The following GRM8 variants were observed in gnomAD, a reference collection of about 807,000 sequenced individuals.
GRM8 encodes the protein metabotropic glutamate receptor 8.
Under a neutral mutation model 87.2 loss-of-function variants are expected in GRM8, and 47 were observed. The observed-to-expected ratio is 0.54, with a 90% CI of 0.43 to 0.69. GRM8 has a LOEUF of 0.69. Ranked by LOEUF, GRM8 falls within the 30% of genes least tolerant of loss-of-function variation. GRM8 has a pLI of 0.00. For missense variants in GRM8, 1,019 were observed against 1,139.2 expected, an observed-to-expected ratio of 0.89 and a Z score of 1.52; for synonymous variants, 396 against 404.5, an observed-to-expected ratio of 0.98 and a Z score of 0.25.
chr7:126,456,474 TCC>T (rs1196770145), intron 9 of GRM8, among the ~76,000 whole-genome samples: 1 of 133,270 alleles, frequency 7.5e-6, no homozygotes, highest in African/African-American at 2.9e-5. Flanking sequence ...ACCTTTTTTT[TCC>T]CTTGAGACTT....
At chr7:127,057,166 T>C (rs1212898082) in intron 3 of GRM8, among the ~76,000 whole-genome samples, 1 of 151,710 alleles carries the variant, frequency 6.6e-6, no homozygotes, top group Non-Finnish European at 1.5e-5. Flanking sequence ...TTACCAAAAC[T>C]TTAAATATCA....
At chr7:126,765,267 CT>C (rs748975326) in intron 7 of GRM8, among the ~76,000 whole-genome samples, 10 of 151,482 alleles carry the variant, frequency 6.6e-5, no homozygotes, top group South Asian at 2.1e-4. Flanking sequence ...GACAGAGATG[CT>C]TTTTTTTTCT....
At chr7:126,974,442 C>T (rs968129381) in intron 3 of GRM8, among the ~76,000 whole-genome samples, 7 of 148,350 alleles carry the variant, frequency 4.7e-5, no homozygotes, top group Admixed American at 6.9e-5. Context: ...CATAACATCA[C>T]GTTGTAAGCC....
chr7:127,187,573 T>C (rs1794805226), intron 2 of GRM8, among the ~76,000 whole-genome samples: 1 of 152,192 alleles, frequency 6.6e-6, no homozygotes. Context: ...TAAGAGGCCA[T>C]AACTGGCACT....
intron 2 of GRM8, among the ~76,000 whole-genome samples, chr7:127,152,533 GAC>G (rs1224767700): frequency 6.6e-6 from 1 of 152,128 alleles, no homozygotes; most frequent in East Asian, 1.9e-4. Context: ...TGCTTTGAAA[GAC>G]ACTCAACCTG....
At chr7:126,991,883 T>C (rs925434326) in intron 3 of GRM8, among the ~76,000 whole-genome samples, 1 of 152,326 alleles carries the variant, frequency 6.6e-6, no homozygotes, top group Non-Finnish European at 1.5e-5. Flanking sequence ...TAATACACAG[T>C]GTTTTCATCA....
At chr7:126,585,649 C>G (rs1462763648) in intron 8 of GRM8, among the ~76,000 whole-genome samples, 1 of 152,098 alleles carries the variant, frequency 6.6e-6, no homozygotes, top group Non-Finnish European at 1.5e-5. Flanking sequence ...GCTAAAAACT[C>G]TCAATAAATT....
intron 2 of GRM8, among the ~76,000 whole-genome samples, chr7:127,164,493 A>G (rs1325055375): frequency 6.6e-6 from 1 of 152,192 alleles, no homozygotes; most frequent in Non-Finnish European, 1.5e-5. Flanking sequence ...GTAATTAGGA[A>G]AACAATTCAA....
chr7:127,242,765 A>G lies in GRM8; in HGVS notation c.440T>C (p.Ile147Thr). 6.2e-7 allele frequency: 1 copy of G among 1,614,216 alleles called. No homozygotes were observed. The highest frequency in any genetic ancestry group is 8.5e-7 in the Non-Finnish European group (1 of 1,180,042). ...TGCTGCAGCACCTATGACGCCAGAA[A>G]TCTTGTCGGGCTTGGTGAAAATGGG... The part of the protein sequence containing the change: ...DPPIFTKPDK[I>T]SGVIGAAASS... The change falls in exon 2 of 11, where the codon ATT becomes ACT. Residue 147 changes from isoleucine to threonine, a missense_variant. Coordinates refer to ENST00000339582, the MANE Select transcript of GRM8 (RefSeq NM_000845.3).
At chr7:126,906,506 C>T (rs556781305) in intron 3 of GRM8, among the ~76,000 whole-genome samples, 1 of 152,176 alleles carries the variant, frequency 6.6e-6, no homozygotes, top group East Asian at 1.9e-4. Context: ...ATTTATTATG[C>T]ATTTCAAAGA....
chr7:126,448,007 C>G (rs1425854073), intron 9 of GRM8, among the ~76,000 whole-genome samples: 1 of 151,996 alleles, frequency 6.6e-6, no homozygotes, highest in Non-Finnish European at 1.5e-5. Context: ...TTGCCATCTA[C>G]TTTTAAGCAA....
chr7:127,004,409 TA>T lies in GRM8; in HGVS notation c.728-99727del, dbSNP rs770542580. Among the ~76,000 whole-genome samples, 103 of 151,498 alleles carry T rather than the reference TA, an allele frequency of 6.8e-4. 2 individuals carry two copies. The highest frequency in any genetic ancestry group is 5.3e-4 in the Admixed American group (8 of 15,160). ...TTGAGAAACATCACAGTAATGCAGA[TA>T]AAAGACACAGAAACAAAAACAATTA... On this transcript the variant is annotated intron_variant, in intron 3 of 10. Coordinates refer to ENST00000339582, the MANE Select transcript of GRM8 (RefSeq NM_000845.3).
intron 3 of GRM8, among the ~76,000 whole-genome samples, chr7:127,003,795 G>T (rs1388894934): frequency 1.3e-5 from 2 of 151,732 alleles, no homozygotes; most frequent in Non-Finnish European, 3.0e-5. Flanking sequence ...TTACTAAATA[G>T]ATGGGAACTA....
intron 4 of GRM8, 29 bp from the exon 5 acceptor site, chr7:126,904,155 T>TC: frequency 6.4e-7 from 1 of 1,559,970 alleles, no homozygotes. Context: ...ATAATGCATA[T>TC]CACATGTATT....
intron 7 of GRM8, among the ~76,000 whole-genome samples, chr7:126,649,175 G>A (rs1253939251): frequency 4.6e-5 from 7 of 152,158 alleles, no homozygotes; most frequent in Non-Finnish European, 8.8e-5. Context: ...GTGTCAACTT[G>A]ATTGGATTGA....
At chr7:127,201,962 C>A (rs1795634663) in intron 2 of GRM8, among the ~76,000 whole-genome samples, 1 of 152,098 alleles carries the variant, frequency 6.6e-6, no homozygotes, top group Admixed American at 6.5e-5. Flanking sequence ...ACCTATGAAC[C>A]ATTGGAGAAA....
chr7:127,201,222 C>A (rs943214214), intron 2 of GRM8, among the ~76,000 whole-genome samples: 1 of 152,210 alleles, frequency 6.6e-6, no homozygotes, highest in African/African-American at 2.4e-5. Context: ...GTGCTAGATA[C>A]TGTTACTAGT....
At chr7:126,528,055 T>A (rs1814163044) in intron 9 of GRM8, among the ~76,000 whole-genome samples, 1 of 152,016 alleles carries the variant, frequency 6.6e-6, no homozygotes, top group Admixed American at 6.6e-5. Context: ...AATACAAAAA[T>A]TAGCTGGGAG....
At chr7:126,543,935 T>C (rs1816832690) in intron 8 of GRM8, among the ~76,000 whole-genome samples, 1 of 152,206 alleles carries the variant, frequency 6.6e-6, no homozygotes, top group Non-Finnish European at 1.5e-5. Flanking sequence ...TAGTTGGCAA[T>C]GTATGAAGAC....
Sources: allele counts gnomAD v4.1 joint callset (sites outside exome capture counted in the v4.1 genomes callset), GRCh38; gene constraint gnomAD v4.1.1; transcripts MANE v1.5; gene names NCBI Gene and HGNC (gene_info 2026-07-23, HGNC 2026-07-21).